COL23A1: variants seen among roughly 807,000 people sequenced by gnomAD.
The protein encoded by COL23A1 is collagen alpha-1(XXIII) chain.
In COL23A1, 97 loss-of-function variants were observed where a neutral mutation model predicts 99.3. That is an observed-to-expected ratio of 0.98 (90% confidence interval 0.83 to 1.16). The LOEUF (loss-of-function observed/expected upper bound fraction) is 1.16. Ranked by LOEUF, COL23A1 falls within the 50% of genes most tolerant of loss-of-function variation. The probability of loss-of-function intolerance (pLI) is 0.00; values close to 1 mark genes in which losing one functional copy is unlikely to be tolerated. For missense variants in COL23A1, 762 were observed against 757.4 expected, an observed-to-expected ratio of 1.01 and a Z score of -0.07; for synonymous variants, 320 against 308.2, an observed-to-expected ratio of 1.04 and a Z score of -0.40.
At chr5:178,487,771 A>C (rs901456210) in intron 2 of COL23A1, among the ~76,000 whole-genome samples, 1 of 152,166 alleles carries the variant, frequency 6.6e-6, no homozygotes, top group African/African-American at 2.4e-5. Flanking sequence ...TGATAACTAC[A>C]TACCCAGTTC....
intron 2 of COL23A1, among the ~76,000 whole-genome samples, chr5:178,343,680 G>T (rs62389372): frequency 7.3e-6 from 1 of 137,672 alleles, no homozygotes. Flanking sequence ...TTTTTTTTTG[G>T]AGACGGAGTC....
chr5:178,473,632 G>C (rs976808947), intron 2 of COL23A1, among the ~76,000 whole-genome samples: 1 of 151,828 alleles, frequency 6.6e-6, no homozygotes, highest in Non-Finnish European at 1.5e-5. Flanking sequence ...CTCTGGATTT[G>C]GGTACCTATG....
Position 178,263,280 on chromosome 5 carries a change from AG to A in COL23A1, c.566del (p.Pro189LeufsTer120). 2.5e-6 allele frequency: 4 copies of A among 1,610,696 alleles called. No individual in the cohort carries two copies. In the South Asian group the frequency reaches 3.3e-5, roughly 13 times the overall value. ...GAGGGCCCCGGGCCCCAGGAGGTCC[AG>A]GGGGCCCCGGAGGCCCAGCAGCTCC... The part of the protein sequence containing the change: ...QDGAAGPPGP[P>X]GPPGARGPPG... On this transcript the variant is annotated frameshift_variant, in exon 9 of 29. Coordinates refer to ENST00000390654, the MANE Select transcript of COL23A1 (RefSeq NM_173465.4). LOFTEE classifies it high-confidence loss of function.
At chr5:178,296,172 G>A (rs1284496582) in intron 3 of COL23A1, among the ~76,000 whole-genome samples, 1 of 152,216 alleles carries the variant, frequency 6.6e-6, no homozygotes, top group Non-Finnish European at 1.5e-5. Flanking sequence ...CTCCAGGGAA[G>A]CTCAGGCTGG....
intron 6 of COL23A1, among the ~76,000 whole-genome samples, chr5:178,269,366 CCCACCCATCTATCCAT>C (rs1561809725): frequency 2.6e-4 from 7 of 26,452 alleles, no homozygotes; most frequent in African/African-American, 7.9e-4. Context: ...CACCCATCCA[CCCACCCATCTATCCAT>C]CCATCCACCC....
At chr5:178,560,604 G>C in intron 2 of COL23A1, 78 bp downstream of exon 2, 1 of 1,356,404 alleles carries the variant, frequency 7.4e-7, no homozygotes, top group Admixed American at 2.1e-5. Context: ...TCCACCTTCC[G>C]GACCATGCTG....
In COL23A1 at chr5:178,456,758, A is replaced by G. The variant is rs1767820109; in HGVS notation, c.361+103924T>C. Among the ~76,000 whole-genome samples the G allele has an allele frequency of 2.0e-5, 3 of 152,194 alleles. No individual in the cohort carries two copies. The South Asian group carries it at 6.2e-4, about 32-fold the overall frequency. On this transcript the variant is annotated intron_variant, in intron 2 of 28. Coordinates refer to ENST00000390654, the MANE Select transcript of COL23A1 (RefSeq NM_173465.4). ...ATTGTACTAGAAAAAAAAATGATAA[A>G]AACTGAAAGGCAAGTGACAAAGTGA...
chr5:178,495,149 C>T lies in COL23A1; in HGVS notation c.361+65533G>A, dbSNP rs560905970. Among the ~76,000 whole-genome samples, 18 of 152,312 alleles carry T rather than the reference C, an allele frequency of 1.2e-4. 1 individual carries two copies. The highest frequency in any genetic ancestry group is 4.1e-4 in the African/African-American group (17 of 41,584). On this transcript the variant is annotated intron_variant, in intron 2 of 28. Coordinates refer to ENST00000390654, the MANE Select transcript of COL23A1 (RefSeq NM_173465.4). Reference sequence around the variant, plus strand: ...GGGTAGTTGTTAGACATCAGCCTGCCGCCAGGCATGAAGCTGTGCTCCCTG... The same window carrying T: ...GGGTAGTTGTTAGACATCAGCCTGCTGCCAGGCATGAAGCTGTGCTCCCTG...
chr5:178,265,742 G>A lies in COL23A1; in HGVS notation c.522+1565C>T, dbSNP rs1047319621. 12 of 983,954 alleles carry A rather than the reference G, an allele frequency of 1.2e-5. No homozygotes were observed. The African/African-American group carries it at 2.1e-4, about 17-fold the overall frequency. 61.0% of individuals were successfully genotyped at this position (983,954 alleles called of 1,614,324 possible). A position where few individuals can be genotyped will look rare whatever the true frequency, so the allele number is the denominator to read the frequency against. ...GGAAAACCATCTAGTCAGCAGATAG[G>A]TTGTGTGGTCAGAAAGGCAGGAAGG... On this transcript the variant is annotated intron_variant, in intron 8 of 28. Coordinates refer to ENST00000390654, the MANE Select transcript of COL23A1 (RefSeq NM_173465.4).
At chr5:178,564,313 C>T (rs189487781) in intron 1 of COL23A1, among the ~76,000 whole-genome samples, 2 of 152,296 alleles carry the variant, frequency 1.3e-5, no homozygotes, top group South Asian at 4.2e-4. Context: ...ACCTCTCCCC[C>T]ACCTCCAGGC....
chr5:178,543,560 GT>G (rs1562072173), intron 2 of COL23A1, among the ~76,000 whole-genome samples: 57 of 152,324 alleles, frequency 3.7e-4, no homozygotes, highest in Non-Finnish European at 3.8e-4. Flanking sequence ...AATGCCTGGA[GT>G]GAGCCCCGGG....
intron 2 of COL23A1, among the ~76,000 whole-genome samples, chr5:178,350,594 C>A (rs1761266325): frequency 6.6e-6 from 1 of 152,186 alleles, no homozygotes; most frequent in African/African-American, 2.4e-5. Context: ...ATAATTATAA[C>A]CCCGGGTTCC....
intron 25 of COL23A1, 48 bp downstream of exon 25, chr5:178,245,894 T>TAC (rs757691110): frequency 2.2e-5 from 35 of 1,607,294 alleles, no homozygotes; most frequent in African/African-American, 8.0e-5. Flanking sequence ...GGGCAGAAGA[T>TAC]ACACACAAGA....
intron 22 of COL23A1, among the ~76,000 whole-genome samples, chr5:178,247,136 T>TA (rs1335711346): frequency 1.3e-5 from 2 of 150,972 alleles, no homozygotes; most frequent in East Asian, 2.0e-4. Context: ...ACTTTGTGCT[T>TA]AGACTGTGGC....
intron 1 of COL23A1, among the ~76,000 whole-genome samples, chr5:178,578,299 C>A (rs767484742): frequency 3.9e-5 from 6 of 152,206 alleles, no homozygotes; most frequent in Non-Finnish European, 7.3e-5. Context: ...TCCTGGCACA[C>A]ACATACACAC....
chr5:178,521,587 A>G (rs1326431988), intron 2 of COL23A1, among the ~76,000 whole-genome samples: 1 of 151,748 alleles, frequency 6.6e-6, no homozygotes, highest in Non-Finnish European at 1.5e-5. Context: ...TAAAGCCAAC[A>G]TTTAAGAATG....
chr5:178,368,430 C>A (rs1385819942), intron 2 of COL23A1, among the ~76,000 whole-genome samples: 1 of 152,172 alleles, frequency 6.6e-6, no homozygotes, highest in African/African-American at 2.4e-5. Context: ...GCTGATGAAC[C>A]CACACTGACG....
intron 2 of COL23A1, among the ~76,000 whole-genome samples, chr5:178,363,325 AG>A (rs537938731): frequency 5.9e-5 from 9 of 152,118 alleles, no homozygotes; most frequent in Non-Finnish European, 1.3e-4. Flanking sequence ...TGCATCTCCA[AG>A]TTGTTGAAAA....
At chr5:178,474,332 G>C (rs1756917695) in intron 2 of COL23A1, among the ~76,000 whole-genome samples, 1 of 152,172 alleles carries the variant, frequency 6.6e-6, no homozygotes, top group Non-Finnish European at 1.5e-5. Flanking sequence ...AAAACACGCA[G>C]TCAGTGAAAT....
Sources: gnomAD v4.1 joint callset for allele counts (sites outside exome capture counted in the v4.1 genomes callset) on GRCh38, gnomAD v4.1.1 for gene constraint, MANE v1.5 for transcripts, NCBI Gene and HGNC (gene_info 2026-07-23, HGNC 2026-07-21) for gene names.